The following TENM3 variants were observed in gnomAD, a reference collection of about 807,000 sequenced individuals.
TENM3 encodes teneurin-3.
In TENM3, 63 loss-of-function variants were observed where a neutral mutation model predicts 255.1. The ratio of observed to expected loss-of-function variants is 0.25; its 90% confidence interval spans 0.20 to 0.30. The LOEUF is 0.30. TENM3 is among the 10% of genes least tolerant of loss of function. TENM3 has a pLI of 1.00. For missense variants in TENM3, 2,929 were observed against 3,461.1 expected, an observed-to-expected ratio of 0.85 and a Z score of 3.86; for synonymous variants, 1,306 against 1,322.3, an observed-to-expected ratio of 0.99 and a Z score of 0.27.
chr4:181,720,717 A>G, the TENM3 span, among the ~76,000 whole-genome samples: 1 of 152,154 alleles, frequency 6.6e-6, no homozygotes, highest in African/African-American at 2.4e-5. Flanking sequence ...TTGAAAGCAT[A>G]TTTGAATTTT....
At chr4:181,642,185 C>T in the TENM3 span, among the ~76,000 whole-genome samples, 1 of 152,022 alleles carries the variant, frequency 6.6e-6, no homozygotes, top group Admixed American at 6.6e-5. Flanking sequence ...GAGATGGTAT[C>T]TCATTGTGGT....
At chr4:182,480,871 A>G (rs530597232) in intron 3 of TENM3, among the ~76,000 whole-genome samples, 26 of 152,228 alleles carry the variant, frequency 1.7e-4, no homozygotes, top group African/African-American at 4.1e-4. Context: ...TTTTTAGGCA[A>G]TTGTTTCAGG....
intron 12 of TENM3, among the ~76,000 whole-genome samples, chr4:182,701,812 G>A (rs980858645): frequency 6.6e-6 from 1 of 152,156 alleles, no homozygotes; most frequent in African/African-American, 2.4e-5. Context: ...TCAGCCAAGG[G>A]TGGCCTTCCT....
the TENM3 span, among the ~76,000 whole-genome samples, chr4:181,785,777 C>T: frequency 2.6e-5 from 4 of 151,518 alleles, no homozygotes; most frequent in African/African-American, 9.7e-5. Context: ...GGATACTCAT[C>T]CTGTATCTTT....
At chr4:181,714,816 C>CA in the TENM3 span, among the ~76,000 whole-genome samples, 4 of 151,852 alleles carry the variant, frequency 2.6e-5, no homozygotes, top group South Asian at 4.2e-4. Context: ...ACCATCTATG[C>CA]AAAAAAAGTA....
chr4:181,885,582 A>G, the TENM3 span, among the ~76,000 whole-genome samples: 1 of 152,172 alleles, frequency 6.6e-6, no homozygotes, highest in Non-Finnish European at 1.5e-5. Context: ...TTTTAAGACC[A>G]TTGACTAGAA....
Position 182,178,623 on chromosome 4 carries a change from G to C in TENM3, c.-76+33869G>C, listed in dbSNP as rs141299974. 9.9e-5 allele frequency among the ~76,000 whole-genome samples: 15 copies of C among 152,162 alleles called. No homozygotes were observed. The East Asian group carries it at 1.9e-3, about 20-fold the overall frequency. On this transcript the variant is annotated intron_variant, in intron 1 of 2. Coordinates refer to the TENM3 transcript ENST00000512480. ...AAATTTAATAACAGTAATTTTGTTAGCTGTGGAATATTTAAGCTAAATGGT... is the reference window on the plus strand; with the variant it reads ...AAATTTAATAACAGTAATTTTGTTACCTGTGGAATATTTAAGCTAAATGGT...
chr4:182,716,323 A>G (rs1003657524), intron 13 of TENM3, among the ~76,000 whole-genome samples: 2 of 152,214 alleles, frequency 1.3e-5, no homozygotes, highest in Non-Finnish European at 2.9e-5. Context: ...CTTTAGTGGT[A>G]TTATCAGCTA....
At chr4:181,691,119 T>A in the TENM3 span, among the ~76,000 whole-genome samples, 1 of 152,110 alleles carries the variant, frequency 6.6e-6, no homozygotes, top group Admixed American at 6.5e-5. Context: ...AGCAGAAAAA[T>A]TATTTTAGTT....
intron 3 of TENM3, among the ~76,000 whole-genome samples, chr4:182,514,838 C>A (rs1514475): frequency 0.99 from 151,218 of 152,252 alleles, 75,099 homozygotes; most frequent in East Asian, 1. Context: ...GGCTGAGATG[C>A]AGATCAAGAA....
the TENM3 span, among the ~76,000 whole-genome samples, chr4:181,545,358 A>G: frequency 1.3e-5 from 2 of 152,140 alleles, no homozygotes; most frequent in Non-Finnish European, 2.9e-5. Context: ...GTTTGTAGCC[A>G]TTTTGTTTCT....
intron 3 of TENM3, among the ~76,000 whole-genome samples, chr4:182,585,430 C>CT (rs1745918313): frequency 6.6e-6 from 1 of 152,108 alleles, no homozygotes; most frequent in African/African-American, 2.4e-5. Flanking sequence ...TAAGGTTAAA[C>CT]GAGGTCATCA....
chr4:181,768,194 A>T, the TENM3 span, among the ~76,000 whole-genome samples: 1 of 152,214 alleles, frequency 6.6e-6, no homozygotes, highest in Non-Finnish European at 1.5e-5. Context: ...GTTCTCAATA[A>T]GGGGCAATTT....
chr4:182,208,967 T>C (rs1005196582), intron 1 of TENM3, among the ~76,000 whole-genome samples: 5 of 151,118 alleles, frequency 3.3e-5, no homozygotes, highest in African/African-American at 1.2e-4. Context: ...TCCCTCTTTT[T>C]TTTTGTTTTT....
At position 182,324,024 on chromosome 4, in the gene TENM3, G is replaced by C. The variant is rs1763228458; in HGVS notation, c.4G>C (p.Asp2His). ...GTGCACACAGAAGGAATGAAGTATG[G>C]ATGTGAAAGAACGCAGGCCTTACTG... MDVKERRPYCSL... is the reference protein window; with the variant it reads MHVKERRPYCSL... The change falls in exon 2 of 28, where the codon GAT becomes CAT. Residue 2 changes from aspartate to histidine, a missense_variant. By Grantham distance (81) the Asp-to-His change is moderately conservative. Around this residue, in one of 6 missense-constraint regions of TENM3, gnomAD observed 283 missense variants for 256.9 expected, o/e 1.10. Transcript: ENST00000511685. 6.2e-7 allele frequency: 1 copy of C among 1,613,216 alleles called. No individual in the cohort carries two copies. Among genetic ancestry groups the C allele is most frequent in the African/African-American group, 1.3e-5 (1 of 74,918 alleles).
At chr4:181,605,587 A>AG in the TENM3 span, among the ~76,000 whole-genome samples, 3 of 39,778 alleles carry the variant, frequency 7.5e-5, no homozygotes, top group African/African-American at 2.3e-4. Flanking sequence ...AAAGAAAGGA[A>AG]AGAAAGAAAG....
rs565394336 is a variant in TENM3 at position 182,606,068 on chromosome 4, A to G, written c.749+4907A>G. Among the ~76,000 whole-genome samples the G allele has an allele frequency of 9.2e-5, 14 of 152,360 alleles. No individual in the cohort carries two copies. In the South Asian group the frequency reaches 2.5e-3, roughly 27 times the overall value. On this transcript the variant is annotated intron_variant, in intron 4 of 27. Coordinates refer to ENST00000511685, the MANE Select transcript of TENM3 (RefSeq NM_001080477.4). ...GACTTGAACATTTCTAATAGTTTCT[A>G]TTGCTAACTTAGAGCAAATATTTAA...
the TENM3 span, among the ~76,000 whole-genome samples, chr4:181,639,961 T>C: frequency 1.3e-5 from 2 of 152,182 alleles, no homozygotes; most frequent in African/African-American, 4.8e-5. Context: ...GCCGTGTCGC[T>C]TTGCCATTTA....
At chr4:181,613,188 C>T in the TENM3 span, among the ~76,000 whole-genome samples, 2 of 152,210 alleles carry the variant, frequency 1.3e-5, no homozygotes, top group African/African-American at 4.8e-5. Flanking sequence ...GTGGAAAACA[C>T]TGCTGCCTCT....
Sources: gnomAD v4.1 joint callset for allele counts (sites outside exome capture counted in the v4.1 genomes callset) on GRCh38, gnomAD v4.1.1 for gene constraint, gnomAD v4.1.1 regional missense constraint, MANE v1.5 for transcripts, NCBI Gene and HGNC (gene_info 2026-07-23, HGNC 2026-07-21) for gene names.